The following SDC4 variants were observed in gnomAD, a reference collection of about 807,000 sequenced individuals.
SDC4 encodes syndecan-4.
In SDC4, 17 loss-of-function variants were observed where a neutral mutation model predicts 20.5. The observed-to-expected ratio is 0.83, with a 90% CI of 0.57 to 1.25. The LOEUF (loss-of-function observed/expected upper bound fraction) is 1.25. Ranked by LOEUF, SDC4 falls within the 50% of genes most tolerant of loss-of-function variation. SDC4 has a pLI of 0.00. For missense variants in SDC4, 241 were observed against 252.3 expected, an observed-to-expected ratio of 0.96 and a Z score of 0.30; for synonymous variants, 107 against 105.3, an observed-to-expected ratio of 1.02 and a Z score of -0.10.
At chr20:45,341,088 A>C (rs1987946234) in intron 1 of SDC4, among the ~76,000 whole-genome samples, 1 of 152,198 alleles carries the variant, frequency 6.6e-6, no homozygotes, top group African/African-American at 2.4e-5. Flanking sequence ...AGCACCTTGC[A>C]GGGTGATGAG....
At chr20:45,330,103 A>G (rs2070641) in intron 4 of SDC4, among the ~76,000 whole-genome samples, 39,540 of 152,138 alleles carry the variant, frequency 0.26, 5,385 homozygotes, top group East Asian at 0.41. Flanking sequence ...TAAATGAGAA[A>G]GACTTAAGGC....
chr20:45,348,359 A>G lies in SDC4; in HGVS notation c.26T>C (p.Leu9Pro). The G allele has an allele frequency of 1.3e-6, 2 of 1,592,068 alleles. No individual in the cohort carries two copies. The highest frequency in any genetic ancestry group is 4.6e-5 in the East Asian group (2 of 43,656). Residue 9 changes from leucine to proline, a missense_variant, in exon 1 of 5, where the codon CTG becomes CCG. Coordinates refer to ENST00000372733, the MANE Select transcript of SDC4 (RefSeq NM_002999.4). MAPARLFA[L>P]LLFFVGGVAE... The stretch of plus-strand genomic sequence containing the variant: ...GACTCCGCCTACGAAGAACAGCAGC[A>G]GCGCGAACAGACGGGCGGGGGCCAT...
intron 3 of SDC4, among the ~76,000 whole-genome samples, chr20:45,331,056 A>C (rs577314448): frequency 1.1e-4 from 17 of 152,292 alleles, no homozygotes; most frequent in African/African-American, 3.6e-4. Context: ...ACTCACCCTG[A>C]ATTCTACCTT....
chr20:45,327,601 G>C (rs540928496), intron 4 of SDC4, among the ~76,000 whole-genome samples, 186 bp from the exon 5 acceptor site: 1 of 152,244 alleles, frequency 6.6e-6, no homozygotes, highest in Admixed American at 6.5e-5. Context: ...GAAGTGGGTC[G>C]TTGGCATTTT....
chr20:45,336,306 G>C (rs140123465), intron 1 of SDC4, among the ~76,000 whole-genome samples: 3 of 152,060 alleles, frequency 2.0e-5, no homozygotes, highest in East Asian at 3.9e-4. Context: ...CCAGCTACTC[G>C]GGAGGCTGAG....
rs979528034 is a variant in SDC4, at chr20:45,334,050, C to G, written c.200-981G>C. On this transcript the variant is annotated intron_variant, in intron 2 of 4. Transcript: ENST00000372733. The stretch of plus-strand genomic sequence containing the variant: ...CTCTCTGTCGCCTGGGCTGGAGTAC[C>G]GTGGTGCCATCTCGGCTCACTGCAA... Among the ~76,000 whole-genome samples, 7 of 151,372 alleles carry G rather than the reference C, an allele frequency of 4.6e-5. No homozygotes were observed. The South Asian group carries it at 8.3e-4, about 18-fold the overall frequency.
chr20:45,336,720 C>T (rs1337041875), intron 1 of SDC4, among the ~76,000 whole-genome samples: 2 of 152,036 alleles, frequency 1.3e-5, no homozygotes, highest in Non-Finnish European at 2.9e-5. Flanking sequence ...AGGGAGTGGG[C>T]TCCTGGTTCT....
chr20:45,332,919 G>A, intron 3 of SDC4, 104 bp downstream of exon 3: 1 of 1,098,648 alleles, frequency 9.1e-7, no homozygotes, highest in Non-Finnish European at 1.4e-6. Context: ...AGTGGGGTAA[G>A]ACCCCTCACT....
chr20:45,339,673 G>A (rs1987926504), intron 1 of SDC4, among the ~76,000 whole-genome samples: 1 of 152,206 alleles, frequency 6.6e-6, no homozygotes, highest in Non-Finnish European at 1.5e-5. Context: ...CCAGGAGGTC[G>A]AGGTTGCAGT....
At chr20:45,342,354 T>C (rs1414784218) in intron 1 of SDC4, among the ~76,000 whole-genome samples, 1 of 152,086 alleles carries the variant, frequency 6.6e-6, no homozygotes, top group Non-Finnish European at 1.5e-5. Flanking sequence ...GTATCCCCAC[T>C]CTGGGTAGCC....
In SDC4 at chr20:45,332,326, A is replaced by AT. The variant is rs539844208; in HGVS notation, c.246+696dup. The stretch of plus-strand genomic sequence containing the variant: ...AGGCGCACGCCACTGTGCCAGGCTA[A>AT]TTTTTTGTATTTTTAGTAGAGATAG... On this transcript the variant is annotated intron_variant, in intron 3 of 4. Coordinates refer to ENST00000372733, the MANE Select transcript of SDC4 (RefSeq NM_002999.4). Among the ~76,000 whole-genome samples the AT allele has an allele frequency of 1.3e-3, 200 of 151,940 alleles. 1 individual carries two copies. Among genetic ancestry groups the AT allele is most frequent in the Admixed American group, 2.4e-3 (37 of 15,268 alleles).
intron 4 of SDC4, 35 bp downstream of exon 4, chr20:45,330,331 C>T (rs961319762): frequency 1.2e-6 from 2 of 1,600,222 alleles, no homozygotes; most frequent in Non-Finnish European, 1.7e-6. Flanking sequence ...CCCATTCCAC[C>T]TTCAAGGCAT....
chr20:45,336,273 C>T (rs1178704181), intron 1 of SDC4, among the ~76,000 whole-genome samples: 3 of 152,152 alleles, frequency 2.0e-5, no homozygotes, highest in Admixed American at 6.5e-5. Flanking sequence ...ATCAGCTGGG[C>T]GTGGTGGCTT....
chr20:45,336,574 A>G (rs538882964), intron 1 of SDC4, among the ~76,000 whole-genome samples: 3 of 152,138 alleles, frequency 2.0e-5, no homozygotes, highest in African/African-American at 4.8e-5. Flanking sequence ...TTTTGGTGAC[A>G]CAGCTGGCAG....
chr20:45,329,146 G>A (rs1224047315), intron 4 of SDC4, among the ~76,000 whole-genome samples: 1 of 152,228 alleles, frequency 6.6e-6, no homozygotes, highest in African/African-American at 2.4e-5. Context: ...CCTGGGTGCT[G>A]ATTAAAGCTT....
chr20:45,348,220 G>T, intron 1 of SDC4, 105 bp downstream of exon 1: 1 of 1,044,400 alleles, frequency 9.6e-7, no homozygotes, highest in Non-Finnish European at 1.4e-6. Flanking sequence ...GTTGGGGGTA[G>T]CGTACCCCCG....
intron 3 of SDC4, among the ~76,000 whole-genome samples, chr20:45,332,308 C>T (rs989688135): frequency 5.9e-5 from 9 of 151,590 alleles, no homozygotes; most frequent in Admixed American, 6.6e-5. Flanking sequence ...TACAGGCGCA[C>T]GCCACTGTGC....
At position 45,325,729 on chromosome 20, in the gene SDC4, A is replaced by G. The variant is rs1987675246; in HGVS notation, c.*1535T>C. 1 of 150,918 alleles carries G rather than the reference A, an allele frequency of 6.6e-6. No homozygotes were observed. Among genetic ancestry groups the G allele is most frequent in the Admixed American group, 6.6e-5 (1 of 15,244 alleles). 9.3% of individuals were successfully genotyped at this position (150,918 alleles called of 1,614,324 possible). On this transcript the variant is annotated 3_prime_UTR_variant, in exon 5 of 5. Transcript: ENST00000372733. ...TAGAATAGTGCTGTCCAACAGATGG[A>G]CATGCTCTCGCTGTCAGTACAGTAG...
intron 3 of SDC4, among the ~76,000 whole-genome samples, 184 bp from the exon 4 acceptor site, chr20:45,330,748 T>A (rs1458839528): frequency 6.6e-6 from 1 of 152,160 alleles, no homozygotes; most frequent in Non-Finnish European, 1.5e-5. Context: ...TATCCCCAAC[T>A]TTTTTAGTAT....
Sources: gnomAD v4.1 joint callset for allele counts (sites outside exome capture counted in the v4.1 genomes callset) on GRCh38, gnomAD v4.1.1 for gene constraint, MANE v1.5 for transcripts, NCBI Gene and HGNC (gene_info 2026-07-23, HGNC 2026-07-21) for gene names.